The following MYLK3 variants were observed in gnomAD, a reference collection of about 807,000 sequenced individuals.
The protein encoded by MYLK3 is MLC kinase.
MYLK3 carries 55 observed loss-of-function variants against 76.3 expected under a neutral mutation model. The observed-to-expected ratio is 0.72, with a 90% confidence interval of 0.58 to 0.90. The LOEUF (loss-of-function observed/expected upper bound fraction) is 0.90. MYLK3 is among the 40% of genes least tolerant of loss of function. The pLI is 0.00. For synonymous variants in MYLK3, 416 were observed against 425.4 expected (o/e 0.98, Z 0.27); for missense variants, 973 against 1,053.6 (o/e 0.92, Z 1.06).
intron 5 of MYLK3, 47 bp from the exon 6 acceptor site, chr16:46,729,734 C>T (rs1480432726): frequency 6.5e-7 from 1 of 1,542,798 alleles, no homozygotes; most frequent in Non-Finnish European, 9.0e-7. Context: ...AGAGGCTCAT[C>T]CCACACCCAT....
intron 12 of MYLK3, 26 bp from the exon 13 acceptor site, chr16:46,707,789 A>G (rs765923296): frequency 7.6e-6 from 12 of 1,575,360 alleles, no homozygotes; most frequent in Non-Finnish European, 6.1e-6. Context: ...GAATAAAAGA[A>G]AAGAAAAAGC....
intron 7 of MYLK3, among the ~76,000 whole-genome samples, chr16:46,728,294 C>G (rs1966846288): frequency 6.6e-6 from 1 of 152,166 alleles, no homozygotes; most frequent in Admixed American, 6.5e-5. Flanking sequence ...CCCCTGGGAG[C>G]TCCCACACAT....
At chr16:46,709,887 G>A (rs1966665803) in intron 11 of MYLK3, among the ~76,000 whole-genome samples, 1 of 152,156 alleles carries the variant, frequency 6.6e-6, no homozygotes. Flanking sequence ...CCTCTATAGG[G>A]GGAACATATT....
upstream of MYLK3, among the ~76,000 whole-genome samples, chr16:46,748,853 G>A (rs894352008): frequency 5.3e-5 from 8 of 152,190 alleles, no homozygotes; most frequent in East Asian, 1.9e-4. This position sits in a 1 kb window ranked among gnomAD's most constrained non-coding sequence, Gnocchi z 4.3. Context: ...GTGGCCGGCA[G>A]GTCCCTCCCC....
At chr16:46,756,908 C>T (rs566928953) in intron 1 of MYLK3, among the ~76,000 whole-genome samples, 62 of 152,296 alleles carry the variant, frequency 4.1e-4, no homozygotes, top group African/African-American at 1.1e-3. Context: ...ACCTTCTCCC[C>T]GTCTGACCGC....
chr16:46,720,855 C>T (rs907494131), intron 9 of MYLK3, among the ~76,000 whole-genome samples: 3 of 152,176 alleles, frequency 2.0e-5, no homozygotes, highest in African/African-American at 7.2e-5. Context: ...CCCCCTTCAC[C>T]ATCACTCTCC....
intron 4 of MYLK3, among the ~76,000 whole-genome samples, 153 bp from the exon 5 acceptor site, chr16:46,730,851 G>A (rs1388837615): frequency 6.6e-6 from 1 of 152,182 alleles, no homozygotes; most frequent in Non-Finnish European, 1.5e-5. Flanking sequence ...TCTCAGTAGA[G>A]CCATCCATTC....
chr16:46,734,047 C>T (rs1330702943), intron 3 of MYLK3, among the ~76,000 whole-genome samples: 1 of 152,136 alleles, frequency 6.6e-6, no homozygotes, highest in Non-Finnish European at 1.5e-5. Context: ...TTCAGCAACT[C>T]CACTTCTGGG....
At chr16:46,753,787 C>G (rs546448441) in intron 1 of MYLK3, among the ~76,000 whole-genome samples, 1 of 152,260 alleles carries the variant, frequency 6.6e-6, no homozygotes, top group East Asian at 1.9e-4. Context: ...GTGGCATGCA[C>G]CTGTACTCCC....
intron 2 of MYLK3, among the ~76,000 whole-genome samples, chr16:46,738,845 GTT>G (rs571260991): frequency 6.6e-6 from 1 of 152,084 alleles, no homozygotes; most frequent in Non-Finnish European, 1.5e-5. Flanking sequence ...TCTTTTATTT[GTT>G]TTTTATTTTT....
In MYLK3 at chr16:46,732,515, AG is replaced by A; in HGVS notation, c.1154del (p.Pro385LeufsTer28). 6.2e-7 allele frequency: 1 copy of A among 1,605,504 alleles called. No individual in the cohort carries two copies. ...GGGTCTGTTCTCCGGGCTCAGTCCCAGGGGCTTGGAGGCAGCGCCCGGTCCC... is the reference window on the plus strand; with the variant it reads ...GGGTCTGTTCTCCGGGCTCAGTCCCAGGGCTTGGAGGCAGCGCCCGGTCCC... ...PPGTGRCLQA[P>X]GTEPGEQTPE... On this transcript the variant is annotated frameshift_variant, in exon 4 of 13. Coordinates refer to ENST00000394809, the MANE Select transcript of MYLK3 (RefSeq NM_182493.3). LOFTEE classifies it high-confidence loss of function.
At chr16:46,722,403 C>G (rs1966808363) in intron 8 of MYLK3, among the ~76,000 whole-genome samples, 1 of 152,192 alleles carries the variant, frequency 6.6e-6, no homozygotes, top group Admixed American at 6.5e-5. Flanking sequence ...GCATGAAACA[C>G]TTTACAGCTT....
At chr16:46,735,675 G>C (rs867257890) in intron 3 of MYLK3, among the ~76,000 whole-genome samples, 3 of 152,290 alleles carry the variant, frequency 2.0e-5, no homozygotes, top group Middle Eastern at 3.4e-3. Context: ...TTGGGACTGG[G>C]CATGGTTCGG....
chr16:46,705,970 CAA>C lies in MYLK3; in HGVS notation c.*1732_*1733del, dbSNP rs35547358. 47 of 126,434 alleles carry C rather than the reference CAA, an allele frequency of 3.7e-4. No homozygotes were observed. Among genetic ancestry groups the C allele is most frequent in the Middle Eastern group, 8.8e-3 (2 of 226 alleles). 7.8% of individuals were successfully genotyped at this position (126,434 alleles called of 1,614,324 possible). A position where few individuals can be genotyped will look rare whatever the true frequency, so the allele number is the denominator to read the frequency against. ...TGGGCAACAGAGTGAGACCCTGTCT[CAA>C]AAAAAAAAAAAAGTGTTAGTTGCTT... On this transcript the variant is annotated 3_prime_UTR_variant, in exon 13 of 13. Coordinates refer to ENST00000394809, the MANE Select transcript of MYLK3 (RefSeq NM_182493.3).
At position 46,712,716 on chromosome 16, in the gene MYLK3, T is replaced by C; in HGVS notation, c.2046A>G (p.Glu682=). 3.8e-6 allele frequency: 6 copies of C among 1,599,340 alleles called. No homozygotes were observed. Among genetic ancestry groups the C allele is most frequent in the Non-Finnish European group, 5.1e-6 (6 of 1,172,656 alleles). Residue 682 remains glutamate (E), a synonymous_variant, in exon 10 of 13, where the codon GAA becomes GAG. Coordinates refer to ENST00000394809, the MANE Select transcript of MYLK3 (RefSeq NM_182493.3). The part of the protein sequence containing the change: ...NFGTPEFLAP[E]VVNYEFVSFP... ...ATGAGACAAACTCATAATTGACGAC[T>C]TCTGGGGCCAGGAACTCAGGAGTGC...
At chr16:46,718,246 C>A (rs943115155) in intron 9 of MYLK3, among the ~76,000 whole-genome samples, 3 of 152,212 alleles carry the variant, frequency 2.0e-5, no homozygotes, top group African/African-American at 2.4e-5. Flanking sequence ...ATACAACGTG[C>A]AAGCATGTGG....
chr16:46,732,409 C>A lies in MYLK3; in HGVS notation c.1261G>T (p.Gly421Trp). The change falls in exon 4 of 13, where the codon GGG becomes TGG. Residue 421 changes from glycine to tryptophan, a missense_variant. By Grantham distance (184) the Gly-to-Trp change is radical. This residue lies in a region of MYLK3 where 641 missense variants were observed against 637.0 expected (regional missense o/e 1.01). Coordinates refer to ENST00000394809, the MANE Select transcript of MYLK3 (RefSeq NM_182493.3). Reference protein sequence around the residue: ...GVKAEEEQRAGAEPGTRPSLA... With the variant: ...GVKAEEEQRAWAEPGTRPSLA... ...CTTGGTCTCGTGCCAGGCTCGGCCC[C>A]AGCCCTTTGCTCCTCCTCTGCCTTC... 1 of 1,613,616 alleles carries A rather than the reference C, an allele frequency of 6.2e-7. No homozygotes were observed. The highest frequency in any genetic ancestry group is 8.5e-7 in the Non-Finnish European group (1 of 1,180,022).
chr16:46,716,442 T>A (rs1966739166), intron 9 of MYLK3, among the ~76,000 whole-genome samples: 1 of 151,866 alleles, frequency 6.6e-6, no homozygotes, highest in Non-Finnish European at 1.5e-5. Flanking sequence ...CATATATGTA[T>A]GTATGTGTAT....
At chr16:46,725,447 G>C (rs1358383154) in intron 8 of MYLK3, among the ~76,000 whole-genome samples, 6 of 152,082 alleles carry the variant, frequency 3.9e-5, no homozygotes, top group Non-Finnish European at 7.4e-5. Context: ...GGTTGAGGAA[G>C]TTCTGTTCCT....
Sources: allele counts gnomAD v4.1 joint callset (sites outside exome capture counted in the v4.1 genomes callset), GRCh38; gene constraint gnomAD v4.1.1; regional missense constraint gnomAD v4.1.1; non-coding constraint Gnocchi (gnomAD v3.1); transcripts MANE v1.5; gene names NCBI Gene and HGNC (gene_info 2026-07-23, HGNC 2026-07-21).